ADGRL2: variants seen among roughly 807,000 people sequenced by gnomAD.
ADGRL2 encodes calcium-independent alpha-latrotoxin receptor 2.
ADGRL2 carries 44 observed loss-of-function variants against 157.4 expected under a neutral mutation model. The observed-to-expected ratio is 0.28, with a 90% CI of 0.22 to 0.36. The LOEUF is 0.36. Ranked by LOEUF, ADGRL2 falls within the 10% of genes least tolerant of loss-of-function variation. The probability of loss-of-function intolerance (pLI) is 1.00; values close to 1 mark genes in which losing one functional copy is unlikely to be tolerated. For synonymous variants in ADGRL2, 585 were observed against 624.7 expected, an observed-to-expected ratio of 0.94 and a Z score of 0.95; for missense variants, 1,510 against 1,768.9, an observed-to-expected ratio of 0.85 and a Z score of 2.63.
At chr1:81,762,858 C>T (rs1557629675) in intron 2 of ADGRL2, among the ~76,000 whole-genome samples, 1 of 151,848 alleles carries the variant, frequency 6.6e-6, no homozygotes, top group Non-Finnish European at 1.5e-5. Context: ...CAAGACCATC[C>T]TGGCTAACAC....
chr1:81,732,833 C>T (rs533085616), intron 1 of ADGRL2, among the ~76,000 whole-genome samples: 1 of 151,856 alleles, frequency 6.6e-6, no homozygotes, highest in East Asian at 1.9e-4. Context: ...TTTGATTTTC[C>T]TAGGCAGAAT....
chr1:81,976,579 C>T (rs1281707967), intron 17 of ADGRL2, among the ~76,000 whole-genome samples: 1 of 151,914 alleles, frequency 6.6e-6, no homozygotes, highest in Non-Finnish European at 1.5e-5. Context: ...TAAAACATTC[C>T]ATTTTAAGTA....
At chr1:81,888,109 A>G (rs1036775758) in intron 2 of ADGRL2, among the ~76,000 whole-genome samples, 1 of 152,180 alleles carries the variant, frequency 6.6e-6, no homozygotes, top group Non-Finnish European at 1.5e-5. Context: ...TAGAACGATG[A>G]AAGTAGTAAT....
rs145670261 is a variant in ADGRL2, at chr1:81,556,312, A to ATTTTTTTT, written c.-247-24547_-247-24540dup. ...ATCCCCCGATTCTCAGGCTGTCACA[A>ATTTTTTTT]TTTTTTTTTTTTTTTTTTTTTTTTG... On this transcript the variant is annotated intron_variant, in intron 2 of 24. Transcript: ENST00000370721. 1.3e-3 allele frequency among the ~76,000 whole-genome samples: 115 copies of ATTTTTTTT among 87,118 alleles called. 10 individuals carry two copies. The highest frequency in any genetic ancestry group is 2.9e-3 in the East Asian group (8 of 2,714). The allele number at this position is 87,118 out of a possible 152,430, so 57.2% of individuals were successfully genotyped here.
intron 3 of ADGRL2, among the ~76,000 whole-genome samples, chr1:81,641,213 T>TTA (rs1241186801): frequency 6.6e-6 from 1 of 152,214 alleles, no homozygotes; most frequent in Non-Finnish European, 1.5e-5. Context: ...TAGTCCACTA[T>TTA]TATAGTTGAA....
chr1:81,466,804 A>C (rs1464394868), intron 2 of ADGRL2, among the ~76,000 whole-genome samples: 1 of 152,190 alleles, frequency 6.6e-6, no homozygotes, highest in Non-Finnish European at 1.5e-5. Context: ...ATAATTTGAA[A>C]TTAAAGTCAA....
At position 81,949,190 on chromosome 1, in the gene ADGRL2, TA is replaced by T. The variant is rs1241550846; in HGVS notation, c.1211-996del. ...TAAGGTTTTAAGAGCCAATAATCTG[TA>T]AATGTTGATACAACTTTCGTGTGAT... On this transcript the variant is annotated intron_variant, in intron 6 of 23. Coordinates refer to ENST00000686636, the MANE Select transcript of ADGRL2 (RefSeq NM_001366006.2). Among the ~76,000 whole-genome samples the T allele has an allele frequency of 5.3e-5, 8 of 152,334 alleles. No homozygotes were observed. The East Asian group carries it at 1.3e-3, about 26-fold the overall frequency.
At chr1:81,535,003 CTTT>C (rs1216392817) in intron 2 of ADGRL2, among the ~76,000 whole-genome samples, 3 of 152,204 alleles carry the variant, frequency 2.0e-5, no homozygotes, top group African/African-American at 4.8e-5. Flanking sequence ...CCCAACCTCT[CTTT>C]TTAACCCACA....
chr1:81,942,930 T>C (rs750601144), intron 5 of ADGRL2, 39 bp from the exon 6 acceptor site: 2 of 1,504,544 alleles, frequency 1.3e-6, no homozygotes, highest in Non-Finnish European at 1.8e-6. Flanking sequence ...TGTAATTTTT[T>C]AACTTGGCTT....
Position 81,991,035 on chromosome 1 carries a change from C to G in ADGRL2, c.4300C>G (p.Gln1434Glu), listed in dbSNP as rs1664513205. ...GAGHQLQMCY[Q>E]ISRGNSDGYI... ...TGGCCATCAGCTTCAGATGTGCTAC[C>G]AGATCAGCAGGGGCAATAGTGATGG... Residue 1434 changes from glutamine to glutamate, a missense_variant, in exon 24 of 24, where the codon CAG becomes GAG. Physicochemically the swap from Gln to Glu is conservative, Grantham distance 29. Around this residue, in one of 4 missense-constraint regions of ADGRL2, gnomAD observed 327 missense variants for 310.1 expected, o/e 1.05. Transcript: ENST00000686636. 3 of 1,613,928 alleles carry G rather than the reference C, an allele frequency of 1.9e-6. No individual in the cohort carries two copies. Among genetic ancestry groups the G allele is most frequent in the Admixed American group, 1.7e-5 (1 of 59,996 alleles).
At chr1:81,417,587 A>G (rs2077054221) in intron 1 of ADGRL2, among the ~76,000 whole-genome samples, 1 of 152,160 alleles carries the variant, frequency 6.6e-6, no homozygotes, top group South Asian at 2.1e-4. Context: ...TAGGTGGTGA[A>G]CACAGTGACA....
intron 2 of ADGRL2, among the ~76,000 whole-genome samples, chr1:81,489,021 T>C (rs1185922367): frequency 6.6e-6 from 1 of 152,104 alleles, no homozygotes; most frequent in African/African-American, 2.4e-5. Flanking sequence ...TGAGATCACC[T>C]GAGGTCAGCA....
At position 81,907,123 on chromosome 1, in the gene ADGRL2, G is replaced by C; in HGVS notation, c.180G>C (p.Glu60Asp). Residue 60 changes from glutamate (E) to aspartate (D), a missense_variant, in exon 3 of 24, where the codon GAG becomes GAC. Physicochemically the swap from Glu to Asp is conservative, Grantham distance 45. Transcript: ENST00000686636. ...CGGGCAGTGATGTCATCATGATTGAGAGCGCTAACTATGGTCGGACGGATG... is the reference window on the plus strand; with the variant it reads ...CGGGCAGTGATGTCATCATGATTGACAGCGCTAACTATGGTCGGACGGATG... ...RCPGSDVIMIESANYGRTDDK... is the reference protein window; with the variant it reads ...RCPGSDVIMIDSANYGRTDDK... 1 of 1,614,060 alleles carries C rather than the reference G, an allele frequency of 6.2e-7. No individual in the cohort carries two copies. Among genetic ancestry groups the C allele is most frequent in the South Asian group, 1.1e-5 (1 of 91,076 alleles).
intron 1 of ADGRL2, among the ~76,000 whole-genome samples, chr1:81,413,996 A>T (rs1028250602): frequency 7.9e-5 from 12 of 152,176 alleles, no homozygotes; most frequent in African/African-American, 2.9e-4. Context: ...TACAAAAATC[A>T]TCACAACTGC....
At chr1:81,724,649 T>C (rs934626627) in intron 1 of ADGRL2, among the ~76,000 whole-genome samples, 3 of 152,272 alleles carry the variant, frequency 2.0e-5, no homozygotes, top group Non-Finnish European at 4.4e-5. Flanking sequence ...GCTATGTTTC[T>C]AACAATGTTT....
chr1:81,895,709 T>G (rs1206992081), intron 2 of ADGRL2, among the ~76,000 whole-genome samples: 2 of 152,160 alleles, frequency 1.3e-5, no homozygotes, highest in Non-Finnish European at 2.9e-5. Context: ...AGTACCTTTT[T>G]AAAAAGGAAA....
At chr1:81,980,694 G>T in intron 18 of ADGRL2, 1 of 516,556 alleles carries the variant, frequency 1.9e-6, no homozygotes, top group East Asian at 3.0e-5. Context: ...AGATAGGTTA[G>T]TGCCAGCTTC....
At chr1:81,640,357 G>A (rs12064738) in intron 3 of ADGRL2, among the ~76,000 whole-genome samples, 56,482 of 151,742 alleles carry the variant, frequency 0.37, 10,612 homozygotes, top group African/African-American at 0.4. Context: ...TTATAGGGCC[G>A]GGCGCGGTGG....
chr1:81,742,329 T>C (rs1281146113), intron 1 of ADGRL2, among the ~76,000 whole-genome samples: 1 of 152,066 alleles, frequency 6.6e-6, no homozygotes, highest in Admixed American at 6.6e-5. Flanking sequence ...ATCTAATGTA[T>C]GGCTATCCCT....
Sources: allele counts gnomAD v4.1 joint callset (sites outside exome capture counted in the v4.1 genomes callset), GRCh38; gene constraint gnomAD v4.1.1; regional missense constraint gnomAD v4.1.1; transcripts MANE v1.5; gene names NCBI Gene and HGNC (gene_info 2026-07-23, HGNC 2026-07-21).